Variants in TBK1 observed in about 807,000 individuals in gnomAD.
TBK1 encodes serine/threonine-protein kinase TBK1.
TBK1 carries 37 observed loss-of-function variants against 99.9 expected under a neutral mutation model. The ratio of observed to expected loss-of-function variants is 0.37; its 90% CI spans 0.28 to 0.49. The LOEUF (loss-of-function observed/expected upper bound fraction) is 0.49. Among genes scored for constraint, TBK1 ranks in the 20% least tolerant of loss-of-function variants. The pLI, the probability that TBK1 is intolerant of heterozygous loss-of-function variation, is 0.98. For missense variants in TBK1, 644 were observed against 872.5 expected (o/e 0.74, Z 3.30); for synonymous variants, 258 against 279.8 (o/e 0.92, Z 0.78).
intron 18 of TBK1, 24 bp from the exon 19 acceptor site, chr12:64,497,624 T>C (rs756443056): frequency 1.6e-4 from 195 of 1,253,186 alleles, no homozygotes; most frequent in South Asian, 2.7e-4. Context: ...TTTTTTTCTT[T>C]TTTTTTTTTT....
chr12:64,487,430 T>TC (rs1278616290), intron 11 of TBK1, among the ~76,000 whole-genome samples: 2 of 152,344 alleles, frequency 1.3e-5, no homozygotes, highest in Non-Finnish European at 2.9e-5. Flanking sequence ...CCTTTTTTTT[T>TC]CTGTTAGCAT....
intron 13 of TBK1, among the ~76,000 whole-genome samples, chr12:64,491,813 T>G (rs1240213681): frequency 3.3e-5 from 5 of 152,188 alleles, no homozygotes; most frequent in Non-Finnish European, 7.3e-5. Context: ...AAAATATGAG[T>G]AATGAACAAC....
At chr12:64,490,245 G>A in intron 13 of TBK1, 126 bp downstream of exon 13, 1 of 528,526 alleles carries the variant, frequency 1.9e-6, no homozygotes, top group Non-Finnish European at 3.3e-6. Flanking sequence ...CTACTCAGGA[G>A]GCCGAGGCAG....
chr12:64,474,358 C>T lies in TBK1; in HGVS notation c.669C>T (p.Pro223=). ...HAATGSLPFR[P]FEGPRRNKEV... Reference sequence around the variant, plus strand: ...CTACTGGATCACTGCCATTTAGACCCTTTGAAGGGCCTCGTAGGAATAAAG... The same window carrying T: ...CTACTGGATCACTGCCATTTAGACCTTTTGAAGGGCCTCGTAGGAATAAAG... Residue 223 remains proline, a synonymous_variant, in exon 6 of 21, where the codon CCC becomes CCT. Coordinates refer to ENST00000331710, the MANE Select transcript of TBK1 (RefSeq NM_013254.4). 7 of 1,613,670 alleles carry T rather than the reference C, an allele frequency of 4.3e-6. No homozygotes were observed. The highest frequency in any genetic ancestry group is 5.9e-6 in the Non-Finnish European group (7 of 1,179,878).
chr12:64,470,734 T>A (rs947899480), intron 5 of TBK1, among the ~76,000 whole-genome samples: 1 of 152,168 alleles, frequency 6.6e-6, no homozygotes, highest in African/African-American at 2.4e-5. Flanking sequence ...CAGTGTCTGG[T>A]CTCCGCCTTT....
chr12:64,460,014 A>G (rs937376359), intron 2 of TBK1, among the ~76,000 whole-genome samples, 175 bp from the exon 3 acceptor site: 3 of 152,226 alleles, frequency 2.0e-5, no homozygotes, highest in African/African-American at 7.2e-5. Context: ...TGAGCAGTTA[A>G]TTGATTCATT....
intron 2 of TBK1, among the ~76,000 whole-genome samples, chr12:64,458,646 T>C (rs566361963): frequency 1.2e-4 from 18 of 152,276 alleles, no homozygotes; most frequent in Admixed American, 2.6e-4. Context: ...ACAGGCATGA[T>C]GTAGTCTACA....
rs57810028 is a variant in TBK1, at chr12:64,464,320, A to ATT, written c.229-5_229-4dup. 16,202 of 1,147,622 alleles carry ATT rather than the reference A, an allele frequency of 0.014. No individual in the cohort carries two copies. Among genetic ancestry groups the ATT allele is most frequent in the East Asian group, 0.017 (558 of 32,394 alleles). The allele number at this position is 1,147,622 out of a possible 1,614,324, so 71.1% of individuals were successfully genotyped here. On this transcript the variant is annotated splice_polypyrimidine_tract_variant and intron_variant, in intron 3 of 20. Transcript: ENST00000331710. Reference sequence around the variant, plus strand: ...TTTTTATGTTGATTCCCAATCAATGATTTTTTTTTTCAGACAACAACAAGA... The same window carrying ATT: ...TTTTTATGTTGATTCCCAATCAATGATTTTTTTTTTTTCAGACAACAACAAGA...
intron 3 of TBK1, among the ~76,000 whole-genome samples, chr12:64,463,335 G>A (rs937542203): frequency 2.6e-5 from 4 of 151,496 alleles, no homozygotes; most frequent in Admixed American, 6.6e-5. Flanking sequence ...AGCCGAGATC[G>A]CGCCACTGCG....
chr12:64,453,615 A>G (rs1440671564), intron 1 of TBK1, among the ~76,000 whole-genome samples: 1 of 152,228 alleles, frequency 6.6e-6, no homozygotes, highest in East Asian at 1.9e-4. Context: ...GCTTGGGGAT[A>G]TTGGTGGTCA....
intron 20 of TBK1, among the ~76,000 whole-genome samples, chr12:64,500,579 C>T (rs61933209): frequency 0.086 from 13,121 of 152,024 alleles, 779 homozygotes; most frequent in Middle Eastern, 0.21. Context: ...TTTCTAAACT[C>T]CTGTTACCTA....
At chr12:64,482,756 G>A (rs1592367925) in intron 8 of TBK1, among the ~76,000 whole-genome samples, 1 of 152,222 alleles carries the variant, frequency 6.6e-6, no homozygotes, top group Non-Finnish European at 1.5e-5. Flanking sequence ...AGGAGCAGTA[G>A]GCTAGCTACC....
chr12:64,456,746 G>A (rs1176764799), intron 2 of TBK1, among the ~76,000 whole-genome samples: 1 of 151,888 alleles, frequency 6.6e-6, no homozygotes, highest in Non-Finnish European at 1.5e-5. Flanking sequence ...GGAGGCTGAG[G>A]CAGGAGAATG....
chr12:64,481,828 C>T lies in TBK1; in HGVS notation c.813-14C>T. 2 of 1,523,880 alleles carry T rather than the reference C, an allele frequency of 1.3e-6. No individual in the cohort carries two copies. The highest frequency in any genetic ancestry group is 4.5e-5 in the Admixed American group (2 of 44,806). 94.4% of individuals were successfully genotyped at this position (1,523,880 alleles called of 1,614,324 possible). On this transcript the variant is annotated splice_polypyrimidine_tract_variant and intron_variant, in intron 7 of 20. Transcript: ENST00000331710. ...TATATTCACTCTTCAAGTAACTTTT[C>T]AATACTATTTTAGGGGTCTTCAGGT...
At chr12:64,493,933 G>C (rs1029619207) in intron 13 of TBK1, among the ~76,000 whole-genome samples, 29 of 151,706 alleles carry the variant, frequency 1.9e-4, no homozygotes, top group Non-Finnish European at 3.5e-4. Context: ...AGGTTTTTTT[G>C]GTAACACCAT....
chr12:64,491,498 C>T (rs1395127906), intron 13 of TBK1, among the ~76,000 whole-genome samples: 1 of 152,028 alleles, frequency 6.6e-6, no homozygotes, highest in Non-Finnish European at 1.5e-5. Flanking sequence ...TGGTGCATGC[C>T]TGTGGTCCCA....
At position 64,495,530 on chromosome 12, in the gene TBK1, C is replaced by T; in HGVS notation, c.1569C>T (p.Asp523=). The T allele has an allele frequency of 6.2e-7, 1 of 1,614,080 alleles. No individual in the cohort carries two copies. Among genetic ancestry groups the T allele is most frequent in the Non-Finnish European group, 8.5e-7 (1 of 1,179,974 alleles). The part of the protein sequence containing the change: ...GTIETSLQDI[D]SRLSPGGSLA... ...TAGAAACCAGTCTTCAGGATATCGA[C>T]AGCAGATTATCTCCAGGTGGATCAC... The change falls in exon 14 of 21, where the codon GAC becomes GAT. Residue 523 remains aspartate, a synonymous_variant. Transcript: ENST00000331710.
chr12:64,474,182 G>A (rs1223935965), intron 5 of TBK1, 48 bp from the exon 6 acceptor site: 2 of 1,534,128 alleles, frequency 1.3e-6, no homozygotes, highest in African/African-American at 1.4e-5. Flanking sequence ...TTTGTATAAT[G>A]AAATGGGTCA....
chr12:64,498,093 C>T, intron 20 of TBK1, 54 bp downstream of exon 20: 2 of 1,416,124 alleles, frequency 1.4e-6, no homozygotes, highest in Non-Finnish European at 2.0e-6. Context: ...AGTTCATTCA[C>T]ATCTGTACTT....
Sources: allele counts gnomAD v4.1 joint callset (sites outside exome capture counted in the v4.1 genomes callset), GRCh38; gene constraint gnomAD v4.1.1; transcripts MANE v1.5; gene names NCBI Gene and HGNC (gene_info 2026-07-23, HGNC 2026-07-21).